C10orf143: variants seen among roughly 807,000 people sequenced by gnomAD.
C10orf143 encodes the protein uncharacterized protein C10orf143.
At chr10:130,086,211 A>T (rs1164730493) in intron 1 of C10orf143, among the ~76,000 whole-genome samples, 1 of 152,098 alleles carries the variant, frequency 6.6e-6, no homozygotes, top group African/African-American at 2.4e-5. Context: ...CACATCACAC[A>T]CAGGTCCATG....
intron 3 of C10orf143, chr10:130,067,490 T>C (rs1396791349): frequency 2.0e-5 from 3 of 152,264 alleles, no homozygotes; most frequent in African/African-American, 7.2e-5. Flanking sequence ...GCTAGCTCTC[T>C]GCTTCTCCCC....
chr10:130,106,185 C>A, intron 1 of C10orf143: 2 of 927,822 alleles, frequency 2.2e-6, no homozygotes, highest in Non-Finnish European at 3.5e-6. Flanking sequence ...GTGATATGTG[C>A]AGCTGTTGCT....
chr10:130,086,220 T>C (rs1590025452), intron 1 of C10orf143, among the ~76,000 whole-genome samples: 1 of 152,200 alleles, frequency 6.6e-6, no homozygotes, highest in South Asian at 2.1e-4. Context: ...CACAGGTCCA[T>C]GCGAGCTCAC....
intron 1 of C10orf143, among the ~76,000 whole-genome samples, chr10:130,085,962 T>G (rs1028227797): frequency 1.3e-5 from 2 of 152,248 alleles, no homozygotes; most frequent in African/African-American, 4.8e-5. Context: ...TCAGACACTT[T>G]GGAGGCTTGT....
chr10:130,090,808 C>T (rs1315845888), intron 1 of C10orf143, among the ~76,000 whole-genome samples: 2 of 152,134 alleles, frequency 1.3e-5, no homozygotes, highest in Admixed American at 6.5e-5. Flanking sequence ...CCAGGAAGTT[C>T]GAACTGGGTG....
intron 3 of C10orf143, among the ~76,000 whole-genome samples, chr10:130,038,095 A>G (rs952322638): frequency 2.0e-5 from 3 of 152,068 alleles, no homozygotes; most frequent in African/African-American, 7.2e-5. Context: ...ACCCTCCACA[A>G]TTGCTTCCTA....
chr10:130,082,166 C>T (rs1177965858), intron 1 of C10orf143, among the ~76,000 whole-genome samples: 1 of 151,822 alleles, frequency 6.6e-6, no homozygotes. Flanking sequence ...ACTTTTTATA[C>T]ATACATATAT....
At chr10:130,040,003 T>A (rs679611) in intron 3 of C10orf143, among the ~76,000 whole-genome samples, 88,169 of 152,022 alleles carry the variant, frequency 0.58, 26,096 homozygotes, top group Middle Eastern at 0.64. Context: ...GGAAGCTCCA[T>A]TCTCTTGGTA....
intron 3 of C10orf143, among the ~76,000 whole-genome samples, chr10:130,036,672 T>G (rs932490057): frequency 6.6e-6 from 1 of 152,162 alleles, no homozygotes; most frequent in African/African-American, 2.4e-5. Context: ...GGCTTGGAGA[T>G]TGTTCTGACT....
At chr10:130,063,229 A>G (rs566938202), downstream of C10orf143, among the ~76,000 whole-genome samples, 14 of 152,364 alleles carry the variant, frequency 9.2e-5, no homozygotes, top group South Asian at 2.7e-3. Context: ...TGCTCTCTCC[A>G]TGAACGAGGG....
rs536906945 is a variant in C10orf143, at chr10:130,081,940, C to T, written c.70-2039G>A. On this transcript the variant is annotated intron_variant, in intron 1 of 3. Coordinates refer to ENST00000637128, the MANE Select transcript of C10orf143 (RefSeq NM_001355042.2). ...ATAGAGTTATACTAGTTGATACTAA[C>T]GGTCACAATGAAAAACAAATATGCA... Among the ~76,000 whole-genome samples, 13 of 150,058 alleles carry T rather than the reference C, an allele frequency of 8.7e-5. No individual in the cohort carries two copies. The East Asian group carries it at 1.0e-3, about 12-fold the overall frequency.
At chr10:130,106,119 C>T (rs776482319) in intron 1 of C10orf143, 22 of 681,814 alleles carry the variant, frequency 3.2e-5, no homozygotes, top group Admixed American at 1.4e-4. Flanking sequence ...GTTGTGGCAG[C>T]GCTGCCTGAA....
At chr10:130,090,948 C>T (rs1159019641) in intron 1 of C10orf143, among the ~76,000 whole-genome samples, 1 of 152,176 alleles carries the variant, frequency 6.6e-6, no homozygotes, top group Non-Finnish European at 1.5e-5. Context: ...TTCCCATCTC[C>T]CTGGGGCAGA....
chr10:130,050,037 A>G (rs895823901), intron 3 of C10orf143, among the ~76,000 whole-genome samples: 6 of 152,238 alleles, frequency 3.9e-5, no homozygotes, highest in African/African-American at 1.4e-4. Context: ...GACAGTGTGC[A>G]TGGATAGCTT....
rs1037823601 is a variant in C10orf143, at chr10:130,064,303, T to C, written c.*51A>G. On this transcript the variant is annotated 3_prime_UTR_variant, in exon 4 of 4. Coordinates refer to ENST00000637128, the MANE Select transcript of C10orf143 (RefSeq NM_001355042.2). ...TAGGAGATTCACATTTGCTGCAACATGAAGGGTTCAAAACCAAAACTGGGA... is the reference window on the plus strand; with the variant it reads ...TAGGAGATTCACATTTGCTGCAACACGAAGGGTTCAAAACCAAAACTGGGA... The C allele has an allele frequency of 2.5e-6, 1 of 398,542 alleles. No homozygotes were observed. Among genetic ancestry groups the C allele is most frequent in the Non-Finnish European group, 4.4e-6 (1 of 226,010 alleles). The allele number at this position is 398,542 out of a possible 1,614,324, so 24.7% of individuals were successfully genotyped here. A position where few individuals can be genotyped will look rare whatever the true frequency, so the allele number is the denominator to read the frequency against.
At chr10:130,099,087 C>CAAAA (rs34244340) in intron 1 of C10orf143, among the ~76,000 whole-genome samples, 3 of 76,350 alleles carry the variant, frequency 3.9e-5, no homozygotes, top group African/African-American at 3.7e-5. Context: ...GACACCATCT[C>CAAAA]AAAAAAAAAA....
chr10:130,101,340 T>C (rs1861547242), intron 1 of C10orf143: 1 of 151,856 alleles, frequency 6.6e-6, no homozygotes, highest in Non-Finnish European at 1.5e-5. Flanking sequence ...GAAAACTATA[T>C]GAGAGCACGT....
intron 1 of C10orf143, among the ~76,000 whole-genome samples, chr10:130,101,865 C>CAAAA (rs1267433489): frequency 0.012 from 593 of 47,718 alleles, 132 homozygotes; most frequent in African/African-American, 0.061. Flanking sequence ...AAAAAAAAAC[C>CAAAA]AAAAAAAAAA....
intron 3 of C10orf143, among the ~76,000 whole-genome samples, chr10:130,039,834 A>C (rs561746193): frequency 1.6e-4 from 25 of 152,224 alleles, no homozygotes; most frequent in African/African-American, 6.0e-4. Context: ...GATGACTCTG[A>C]GGAAAGCACA....
Sources: allele counts gnomAD v4.1 joint callset (sites outside exome capture counted in the v4.1 genomes callset), GRCh38; gene constraint gnomAD v4.1.1; transcripts MANE v1.5; gene names NCBI Gene and HGNC (gene_info 2026-07-23, HGNC 2026-07-21).